The following EARS2 variants were observed in gnomAD, a reference collection of about 807,000 sequenced individuals.
EARS2 encodes the protein glutamyl-tRNA synthetase 2, mitochondrial.
A neutral mutation model predicts 54.1 loss-of-function variants in EARS2; 50 were observed. The observed-to-expected ratio is 0.92, with a 90% CI of 0.74 to 1.17. The LOEUF (loss-of-function observed/expected upper bound fraction) is 1.17. Ranked by LOEUF, EARS2 falls within the 50% of genes most tolerant of loss-of-function variation. EARS2 has a pLI of 0.00. For missense variants in EARS2, 673 were observed against 675.0 expected, an observed-to-expected ratio of 1.00 and a Z score of 0.03; for synonymous variants, 298 against 281.0, an observed-to-expected ratio of 1.06 and a Z score of -0.61.
chr16:23,540,730 C>T (rs1409741935), intron 3 of EARS2, among the ~76,000 whole-genome samples: 1 of 151,786 alleles, frequency 6.6e-6, no homozygotes, highest in Admixed American at 6.6e-5. Context: ...CTGAGCTCGT[C>T]CTAGCACTTT....
intron 3 of EARS2, among the ~76,000 whole-genome samples, chr16:23,543,117 CA>C (rs35137770): frequency 3.8e-4 from 27 of 71,978 alleles, no homozygotes; most frequent in African/African-American, 1.0e-3. Flanking sequence ...TCTGTCTCAC[CA>C]AAAAAAAAAA....
In EARS2 at chr16:23,523,493, TAAGACAAGAGTGCTTACCCTTGGC is replaced by T. The variant is rs1275835953; in HGVS notation, c.*854_*877del. On this transcript the variant is annotated 3_prime_UTR_variant, in exon 9 of 9. Coordinates refer to ENST00000449606, the MANE Select transcript of EARS2 (RefSeq NM_001083614.2). ...CAAGGTTCAAGAATAAAGGGTAGCA[TAAGACAAGAGTGCTTACCCTTGGC>T]AGTGGAGTCACACTTCTCCTTTTAC... The T allele has an allele frequency of 6.6e-6, 1 of 152,190 alleles. No homozygotes were observed. The highest frequency in any genetic ancestry group is 1.5e-5 in the Non-Finnish European group (1 of 68,062). The allele number at this position is 152,190 out of a possible 1,614,324, so 9.4% of individuals were successfully genotyped here.
At chr16:23,540,812 G>A (rs921149020) in intron 3 of EARS2, among the ~76,000 whole-genome samples, 4 of 151,908 alleles carry the variant, frequency 2.6e-5, no homozygotes, top group Admixed American at 1.3e-4. Context: ...GTGAAACCCC[G>A]TCTCTACTAA....
At chr16:23,533,160 T>C (rs988776146) in intron 4 of EARS2, among the ~76,000 whole-genome samples, 2 of 152,196 alleles carry the variant, frequency 1.3e-5, no homozygotes, top group African/African-American at 4.8e-5. Flanking sequence ...GGCGCATGCC[T>C]GTAATCCCAG....
At position 23,542,894 on chromosome 16, in the gene EARS2, T is replaced by A. The variant is rs533738847; in HGVS notation, c.485+1620A>T. 2.0e-5 allele frequency among the ~76,000 whole-genome samples: 3 copies of A among 151,666 alleles called. No homozygotes were observed. The East Asian group carries it at 5.9e-4, about 30-fold the overall frequency. Reference sequence around the variant, plus strand: ...CTTTGGGAGGCTGAGGTGGGAAGATTGTTCGAGTTCAGGAGTTTGAGAACA... The same window carrying A: ...CTTTGGGAGGCTGAGGTGGGAAGATAGTTCGAGTTCAGGAGTTTGAGAACA... On this transcript the variant is annotated intron_variant, in intron 3 of 8. Transcript: ENST00000449606.
At chr16:23,555,475 G>GC (rs1390782217) in intron 1 of EARS2, among the ~76,000 whole-genome samples, 3 of 152,072 alleles carry the variant, frequency 2.0e-5, no homozygotes, top group Non-Finnish European at 4.4e-5. Context: ...ACGACAGACA[G>GC]AGCCAAACCC....
intron 3 of EARS2, among the ~76,000 whole-genome samples, chr16:23,536,457 T>C (rs1162824315): frequency 6.6e-6 from 1 of 151,752 alleles, no homozygotes; most frequent in East Asian, 2.0e-4. Context: ...AAATTTAAAA[T>C]ACCAGCCTGG....
At chr16:23,530,901 T>G (rs1460540739) in intron 5 of EARS2, among the ~76,000 whole-genome samples, 1 of 151,636 alleles carries the variant, frequency 6.6e-6, no homozygotes, top group Admixed American at 6.6e-5. Context: ...GAGGCATTTT[T>G]TTTTTTTGAG....
intron 5 of EARS2, 66 bp from the exon 6 acceptor site, chr16:23,529,963 C>A (rs1239838819): frequency 3.2e-6 from 5 of 1,580,398 alleles, no homozygotes; most frequent in African/African-American, 1.4e-5. Flanking sequence ...GTCTCTCCCC[C>A]AGGGAAAGGG....
chr16:23,556,862 G>A (rs973494485), intron 1 of EARS2: 2 of 554,038 alleles, frequency 3.6e-6, no homozygotes, highest in African/African-American at 1.9e-5. Flanking sequence ...CCACTAGAAT[G>A]CAGACTTCCA....
chr16:23,544,176 C>G (rs1459958337), intron 3 of EARS2, among the ~76,000 whole-genome samples: 1 of 152,186 alleles, frequency 6.6e-6, no homozygotes, highest in African/African-American at 2.4e-5. Flanking sequence ...GGCTGCCACG[C>G]TGTAAGCTGC....
At position 23,557,280 on chromosome 16, in the gene EARS2, C is replaced by G; in HGVS notation, c.64G>C (p.Val22Leu). The G allele has an allele frequency of 2.0e-6, 3 of 1,517,610 alleles. No individual in the cohort carries two copies. The highest frequency in any genetic ancestry group is 2.6e-6 in the Non-Finnish European group (3 of 1,144,302). The allele number at this position is 1,517,610 out of a possible 1,614,324, so 94.0% of individuals were successfully genotyped here. ...ERPSAASGRP[V>L]GRREANLGTD... ...CCCAGGTTGGCCTCGCGCCGTCCTA[C>G]GGGGCGGCCAGAGGCCGCCGAAGGC... The change falls in exon 1 of 9, where the codon GTA (valine) becomes CTA (leucine). Residue 22 changes from valine (V) to leucine (L), a missense_variant. Physicochemically the swap from Val to Leu is conservative, Grantham distance 32. Transcript: ENST00000449606.
chr16:23,522,771 C>T lies in EARS2; in HGVS notation c.*1600G>A, dbSNP rs1166098612. 2.6e-5 allele frequency: 4 copies of T among 152,186 alleles called. No individual in the cohort carries two copies. Among genetic ancestry groups the T allele is most frequent in the South Asian group, 2.1e-4 (1 of 4,826 alleles). The allele number at this position is 152,186 out of a possible 1,614,324, so 9.4% of individuals were successfully genotyped here. A position where few individuals can be genotyped will look rare whatever the true frequency, so the allele number is the denominator to read the frequency against. ...TATCTCACAGTTCATGTGTGTCTGA[C>T]GTTCCGGAGCAGCTTCTCTGAGTGG... On this transcript the variant is annotated 3_prime_UTR_variant, in exon 9 of 9. Coordinates refer to ENST00000449606, the MANE Select transcript of EARS2 (RefSeq NM_001083614.2).
intron 2 of EARS2, among the ~76,000 whole-genome samples, chr16:23,547,927 C>G (rs947428209): frequency 6.6e-6 from 1 of 151,740 alleles, no homozygotes. Context: ...TGAAACACCG[C>G]CTCTAAAAAA....
intron 7 of EARS2, among the ~76,000 whole-genome samples, chr16:23,527,388 A>G (rs1965247281): frequency 6.6e-6 from 1 of 152,202 alleles, no homozygotes; most frequent in African/African-American, 2.4e-5. Context: ...AACATGGTCC[A>G]GGCAACTGCA....
In EARS2 at chr16:23,521,795, G is replaced by C; in HGVS notation, c.*2576C>G. On this transcript the variant is annotated 3_prime_UTR_variant, in exon 9 of 9. Coordinates refer to ENST00000449606, the MANE Select transcript of EARS2 (RefSeq NM_001083614.2). ...CTCACTTTGTTAAAAACACTCACTT[G>C]ACCATGAGCCAAGAAGCTCCTTTTA... 1 of 453,986 alleles carries C rather than the reference G, an allele frequency of 2.2e-6. No homozygotes were observed. The highest frequency in any genetic ancestry group is 4.4e-6 in the Non-Finnish European group (1 of 226,286). 28.1% of individuals were successfully genotyped at this position (453,986 alleles called of 1,614,324 possible). A position where few individuals can be genotyped will look rare whatever the true frequency, so the allele number is the denominator to read the frequency against.
intron 7 of EARS2, 74 bp downstream of exon 7, chr16:23,529,428 G>C (rs756327650): frequency 6.4e-7 from 1 of 1,550,866 alleles, no homozygotes; most frequent in East Asian, 2.3e-5. Context: ...GCCCAGCCCT[G>C]AAGGAAAGAG....
chr16:23,552,142 G>A lies in EARS2; in HGVS notation c.295+7C>T. On this transcript the variant is annotated splice_region_variant and intron_variant, in intron 2 of 8. Transcript: ENST00000449606. ...CTGCAGAAAGATCCTTTCTCTGCCA[G>A]GCTTACCTGCCCACTCCAGCATGTC... 6.2e-7 allele frequency: 1 copy of A among 1,611,746 alleles called. No individual in the cohort carries two copies. The highest frequency in any genetic ancestry group is 8.5e-7 in the Non-Finnish European group (1 of 1,178,224).
At chr16:23,533,270 C>A (rs548383427) in intron 4 of EARS2, among the ~76,000 whole-genome samples, 1 of 152,046 alleles carries the variant, frequency 6.6e-6, no homozygotes, top group Non-Finnish European at 1.5e-5. Flanking sequence ...GGCAACAGAG[C>A]GAGACTCTAT....
Sources: allele counts gnomAD v4.1 joint callset (sites outside exome capture counted in the v4.1 genomes callset), GRCh38; gene constraint gnomAD v4.1.1; transcripts MANE v1.5; gene names NCBI Gene and HGNC (gene_info 2026-07-23, HGNC 2026-07-21).